Variants in MPRIP observed in about 807,000 individuals in gnomAD.
The protein encoded by MPRIP is myosin phosphatase Rho interacting protein, also known as myosin phosphatase Rho-interacting protein.
A neutral mutation model predicts 234.9 loss-of-function variants in MPRIP; 59 were observed. The observed-to-expected ratio is 0.25, with a 90% CI of 0.20 to 0.31. The LOEUF (loss-of-function observed/expected upper bound fraction) is 0.31. Ranked by LOEUF, MPRIP falls within the 10% of genes least tolerant of loss-of-function variation. The pLI, the probability that MPRIP is intolerant of heterozygous loss-of-function variation, is 1.00. For synonymous variants in MPRIP, 1,144 were observed against 1,263.9 expected, an observed-to-expected ratio of 0.91 and a Z score of 2.01; for missense variants, 2,436 against 3,071.0, an observed-to-expected ratio of 0.79 and a Z score of 4.89.
intron 23 of MPRIP, chr17:17,181,627 C>T (rs1418550175): frequency 6.6e-6 from 1 of 152,204 alleles, no homozygotes; most frequent in Admixed American, 6.5e-5. Flanking sequence ...GGTTTTCTTA[C>T]TGAAGATTCT....
intron 16 of MPRIP, chr17:17,168,816 C>T (rs1243792635): frequency 8.8e-6 from 4 of 456,032 alleles, no homozygotes; most frequent in African/African-American, 2.0e-5. Flanking sequence ...GTGCCTTCCA[C>T]GCTCATGTGG....
In MPRIP at chr17:17,075,763, T is replaced by C; in HGVS notation, c.177T>C (p.Phe59=). 1.2e-6 allele frequency: 2 copies of C among 1,614,130 alleles called. No homozygotes were observed. Among genetic ancestry groups the C allele is most frequent in the Non-Finnish European group, 1.7e-6 (2 of 1,180,012 alleles). ...WLLLAPDGTD[F]DNPVHRSRKW... ...TCCTGGCTCCAGATGGGACCGACTT[T>C]GACAACCCAGTGCACCGGTCTCGGG... The change falls in exon 2 of 24, where the codon TTT becomes TTC. Residue 59 remains phenylalanine, a synonymous_variant. Coordinates refer to ENST00000651222, the MANE Select transcript of MPRIP (RefSeq NM_001364716.4).
chr17:17,122,264 C>T (rs570740174), intron 3 of MPRIP, among the ~76,000 whole-genome samples: 1 of 152,354 alleles, frequency 6.6e-6, no homozygotes, highest in African/African-American at 2.4e-5. Context: ...AATTTACACT[C>T]CCACCAACAG....
chr17:17,175,052 T>A (rs1035558282), intron 19 of MPRIP, among the ~76,000 whole-genome samples: 16 of 152,214 alleles, frequency 1.1e-4, no homozygotes, highest in African/African-American at 3.9e-4. Flanking sequence ...CAGGCAGGAC[T>A]GGGTCCACTC....
chr17:17,170,890 T>C (rs2046118181), intron 16 of MPRIP: 1 of 152,220 alleles, frequency 6.6e-6, no homozygotes, highest in Non-Finnish European at 1.5e-5. Flanking sequence ...CTGGTGTGGC[T>C]TGCTCCCATC....
chr17:17,092,767 ACT>A (rs1391157605), intron 3 of MPRIP, among the ~76,000 whole-genome samples: 2 of 151,756 alleles, frequency 1.3e-5, no homozygotes, highest in African/African-American at 4.8e-5. Context: ...TCCTACAGAG[ACT>A]CTGCAGGGAA....
chr17:17,086,221 C>G (rs886297294), intron 3 of MPRIP, among the ~76,000 whole-genome samples: 1 of 152,122 alleles, frequency 6.6e-6, no homozygotes, highest in Admixed American at 6.5e-5. Flanking sequence ...AGTCCATTGG[C>G]TTTCAGGGCT....
chr17:17,091,665 G>A (rs915514945), intron 3 of MPRIP, among the ~76,000 whole-genome samples: 3 of 152,142 alleles, frequency 2.0e-5, no homozygotes, highest in Admixed American at 6.5e-5. Flanking sequence ...CGGTCCTCCC[G>A]GCCCTGCTTA....
intron 4 of MPRIP, among the ~76,000 whole-genome samples, chr17:17,129,349 AC>A (rs1450257069): frequency 6.6e-6 from 1 of 151,920 alleles, no homozygotes; most frequent in Admixed American, 6.6e-5. Context: ...CCCAGCACCT[AC>A]CAGTCCCATA....
At chr17:17,068,041 CT>C (rs1212206534) in intron 1 of MPRIP, among the ~76,000 whole-genome samples, 9 of 151,878 alleles carry the variant, frequency 5.9e-5, no homozygotes, top group African/African-American at 1.9e-4. Context: ...CTCATTATCC[CT>C]TTGATGTCTG....
chr17:17,137,791 A>T lies in MPRIP; in HGVS notation c.737-125A>T, dbSNP rs1161669207. 5.6e-6 allele frequency: 4 copies of T among 712,536 alleles called. No individual in the cohort carries two copies. The Admixed American group carries it at 1.3e-4, about 23-fold the overall frequency. 44.1% of individuals were successfully genotyped at this position (712,536 alleles called of 1,614,324 possible). A position where few individuals can be genotyped will look rare whatever the true frequency, so the allele number is the denominator to read the frequency against. The stretch of plus-strand genomic sequence containing the variant: ...TCTGCCCTTGAGTGGGGTGTGCTGG[A>T]TGTTAGAGACGGGAGGTGGAGAAGG... On this transcript the variant is annotated intron_variant, in intron 6 of 23. Transcript: ENST00000651222.
At position 17,190,371 on chromosome 17, in the gene MPRIP, T is replaced by A. The variant is rs1258708627; in HGVS notation, c.*5477T>A. 3 of 152,290 alleles carry A rather than the reference T, an allele frequency of 2.0e-5. No homozygotes were observed. Among genetic ancestry groups the A allele is most frequent in the South Asian group, 4.1e-4 (2 of 4,830 alleles). The allele number at this position is 152,290 out of a possible 1,614,324, so 9.4% of individuals were successfully genotyped here. ...TAGAGGGGGCTCTTCGTTTTACCTT[T>A]GTACAGTTCTTGTGTTTACACATTT... On this transcript the variant is annotated 3_prime_UTR_variant, in exon 24 of 24. Coordinates refer to ENST00000651222, the MANE Select transcript of MPRIP (RefSeq NM_001364716.4).
At position 17,185,066 on chromosome 17, in the gene MPRIP, C is replaced by G. The variant is rs2046449597; in HGVS notation, c.*172C>G. ...GCTGGCTTCTGGGTTGTCCACACCA[C>G]TCTCTGCTGTGTTGACTTCCTGTTG... On this transcript the variant is annotated 3_prime_UTR_variant, in exon 24 of 24. Coordinates refer to ENST00000651222, the MANE Select transcript of MPRIP (RefSeq NM_001364716.4). The G allele has an allele frequency of 2.0e-6, 1 of 509,636 alleles. No individual in the cohort carries two copies. The allele number at this position is 509,636 out of a possible 1,614,324, so 31.6% of individuals were successfully genotyped here. A position where few individuals can be genotyped will look rare whatever the true frequency, so the allele number is the denominator to read the frequency against.
At chr17:17,049,515 G>T (rs1269186835) in intron 1 of MPRIP, among the ~76,000 whole-genome samples, 11 of 152,150 alleles carry the variant, frequency 7.2e-5, no homozygotes, top group Admixed American at 7.2e-4. Flanking sequence ...CTAGACCAAG[G>T]CTTGGCAATT....
chr17:17,172,257 T>C (rs1032089278), intron 17 of MPRIP, among the ~76,000 whole-genome samples: 1 of 152,240 alleles, frequency 6.6e-6, no homozygotes, highest in East Asian at 1.9e-4. Context: ...GATATGTAGC[T>C]TCACCGGCAG....
Position 17,146,100 on chromosome 17 carries a change from TGC to T in MPRIP, c.1560+9_1560+10del. On this transcript the variant is annotated intron_variant, in intron 10 of 23. Coordinates refer to ENST00000651222, the MANE Select transcript of MPRIP (RefSeq NM_001364716.4). ...CAGTATGAGGACGGCCAGGTGAGTG[TGC>T]AGGGTTGCCGTGGCCCCTGAGGGAT... The T allele has an allele frequency of 6.2e-7, 1 of 1,613,772 alleles. No homozygotes were observed. The highest frequency in any genetic ancestry group is 8.5e-7 in the Non-Finnish European group (1 of 1,179,852).
At chr17:17,163,624 T>C (rs1479994122) in intron 15 of MPRIP, among the ~76,000 whole-genome samples, 1 of 151,996 alleles carries the variant, frequency 6.6e-6, no homozygotes, top group Non-Finnish European at 1.5e-5. Context: ...TTACCTTCCT[T>C]CCTTCTCCTC....
intron 4 of MPRIP, among the ~76,000 whole-genome samples, chr17:17,130,783 G>C (rs4985737): frequency 0.15 from 23,253 of 152,046 alleles, 2,593 homozygotes; most frequent in East Asian, 0.3. Context: ...CACCCCCGTC[G>C]TCTAGCCCCC....
intron 1 of MPRIP, among the ~76,000 whole-genome samples, chr17:17,045,856 T>A (rs57729820): frequency 0.24 from 35,508 of 150,174 alleles, 5,538 homozygotes; most frequent in African/African-American, 0.44. Context: ...CCCAGGCTGG[T>A]GTGCAGTGGC....
Sources: gnomAD v4.1 joint callset for allele counts (sites outside exome capture counted in the v4.1 genomes callset) on GRCh38, gnomAD v4.1.1 for gene constraint, MANE v1.5 for transcripts, NCBI Gene and HGNC (gene_info 2026-07-23, HGNC 2026-07-21) for gene names.